Variants in LRIG1 observed in about 807,000 individuals in gnomAD.
LRIG1 encodes leucine rich repeats and immunoglobulin like domains 1.
Under a neutral mutation model 99.2 loss-of-function variants are expected in LRIG1, and 48 were observed. That is an observed-to-expected ratio of 0.48 (90% CI 0.38 to 0.62). LRIG1 has a LOEUF of 0.62. LRIG1 is among the 20% of genes least tolerant of loss of function. LRIG1 has a pLI of 0.00. For synonymous variants in LRIG1, 772 were observed against 596.1 expected, an observed-to-expected ratio of 1.29 and a Z score of -4.30; for missense variants, 1,646 against 1,434.4, an observed-to-expected ratio of 1.15 and a Z score of -2.38.
intron 9 of LRIG1, among the ~76,000 whole-genome samples, chr3:66,399,842 A>G (rs559204200): frequency 8.5e-5 from 13 of 152,352 alleles, no homozygotes; most frequent in Non-Finnish European, 1.8e-4. Context: ...AAGCTTCCCA[A>G]AAGAGGCAAG....
At chr3:66,446,560 C>T (rs1314925100) in intron 3 of LRIG1, among the ~76,000 whole-genome samples, 1 of 151,956 alleles carries the variant, frequency 6.6e-6, no homozygotes, top group African/African-American at 2.4e-5. Flanking sequence ...CACCTCCCAC[C>T]ACTCCTGGCT....
chr3:66,465,525 G>A (rs1427870339), intron 1 of LRIG1, among the ~76,000 whole-genome samples: 9 of 151,540 alleles, frequency 5.9e-5, no homozygotes, highest in South Asian at 4.2e-4. Flanking sequence ...CACCATGCCC[G>A]GCTAATTTTT....
intron 1 of LRIG1, among the ~76,000 whole-genome samples, chr3:66,485,938 C>G (rs1015339128): frequency 6.6e-6 from 1 of 152,304 alleles, no homozygotes; most frequent in South Asian, 2.1e-4. Flanking sequence ...AATTCAGAGA[C>G]GTCAAAGGGA....
chr3:66,402,642 C>T (rs1702103669), intron 9 of LRIG1, among the ~76,000 whole-genome samples: 1 of 152,222 alleles, frequency 6.6e-6, no homozygotes, highest in Admixed American at 6.5e-5. Context: ...AACACAAGCT[C>T]CTTGAGCTCT....
intron 3 of LRIG1, among the ~76,000 whole-genome samples, chr3:66,440,116 A>G (rs1231222803): frequency 6.6e-6 from 1 of 152,158 alleles, no homozygotes; most frequent in East Asian, 1.9e-4. Context: ...AATGCCTTTC[A>G]GTTGCAATTA....
intron 2 of LRIG1, 44 bp downstream of exon 2, chr3:66,462,394 G>A (rs1700374962): frequency 6.9e-7 from 1 of 1,445,516 alleles, no homozygotes; most frequent in Admixed American, 1.7e-5. Context: ...TTCCCAAAGA[G>A]CTCTCCATCC....
At chr3:66,484,698 A>T (rs1351124230) in intron 1 of LRIG1, among the ~76,000 whole-genome samples, 4 of 152,174 alleles carry the variant, frequency 2.6e-5, no homozygotes, top group Admixed American at 1.3e-4. Flanking sequence ...GGACAGTAAC[A>T]GCTTTAAACA....
chr3:66,380,328 TGGACTCG>T lies in LRIG1; in HGVS notation c.3210_3216del (p.Glu1071ArgfsTer3), dbSNP rs1351035305. 1.2e-6 allele frequency: 2 copies of T among 1,614,056 alleles called. No individual in the cohort carries two copies. Among genetic ancestry groups the T allele is most frequent in the East Asian group, 2.2e-5 (1 of 44,892 alleles). ...CCGGGGAGCTGTCCTGTCAGTGGCG[TGGACTCG>T]GGACTGGCGTCACATGCTTTGGGGA... On this transcript the variant is annotated frameshift_variant, in exon 19 of 19. Coordinates refer to ENST00000273261, the MANE Select transcript of LRIG1 (RefSeq NM_015541.3). LOFTEE classifies it high-confidence loss of function.
intron 2 of LRIG1, among the ~76,000 whole-genome samples, chr3:66,459,290 G>A (rs1369848160): frequency 6.6e-6 from 1 of 152,194 alleles, no homozygotes; most frequent in Admixed American, 6.5e-5. Flanking sequence ...AGCCTGTCTA[G>A]GCAAGGAACA....
intron 12 of LRIG1, among the ~76,000 whole-genome samples, chr3:66,389,209 AG>A (rs1207112244): frequency 2.0e-5 from 3 of 152,216 alleles, no homozygotes; most frequent in Non-Finnish European, 4.4e-5. Flanking sequence ...GGCAAAACTA[AG>A]AAAATAACTA....
intron 3 of LRIG1, among the ~76,000 whole-genome samples, chr3:66,437,282 G>C (rs116148075): frequency 0.011 from 1,702 of 152,330 alleles, 19 homozygotes; most frequent in African/African-American, 0.039. Flanking sequence ...CTGTGGTAAG[G>C]TAAGAGCAAT....
chr3:66,406,011 C>G, intron 8 of LRIG1: 1 of 989,528 alleles, frequency 1.0e-6, no homozygotes, highest in Non-Finnish European at 1.2e-6. Context: ...CCCATCCTGC[C>G]CTCTCCAACT....
intron 1 of LRIG1, among the ~76,000 whole-genome samples, chr3:66,489,926 G>A (rs1193398896): frequency 1.3e-5 from 2 of 152,136 alleles, no homozygotes; most frequent in African/African-American, 4.8e-5. Context: ...GAAACTCCAT[G>A]AAAACGTGGT....
chr3:66,447,729 G>A lies in LRIG1; in HGVS notation c.365+3830C>T, dbSNP rs538810063. Among the ~76,000 whole-genome samples the A allele has an allele frequency of 4.6e-5, 7 of 152,310 alleles. No individual in the cohort carries two copies. In the East Asian group the frequency reaches 1.4e-3, roughly 29 times the overall value. On this transcript the variant is annotated intron_variant, in intron 3 of 18. Coordinates refer to ENST00000273261, the MANE Select transcript of LRIG1 (RefSeq NM_015541.3). ...CACATACATTTTTACTCCCAGGACT[G>A]AAAAATTCAACGATTTCCACTGTCA...
chr3:66,385,214 T>G (rs1407781353), intron 13 of LRIG1, among the ~76,000 whole-genome samples: 3 of 151,998 alleles, frequency 2.0e-5, no homozygotes, highest in African/African-American at 7.3e-5. Flanking sequence ...GGTTAATGAG[T>G]AAAAACCTGT....
chr3:66,388,063 C>T (rs1200565053), intron 12 of LRIG1: 3 of 128,266 alleles, frequency 2.3e-5, no homozygotes, highest in Non-Finnish European at 3.1e-5. Flanking sequence ...GCCAAGATCA[C>T]GCCACTGCCC....
chr3:66,380,742 C>G lies in LRIG1; in HGVS notation c.2890G>C (p.Gly964Arg), dbSNP rs533186890. ...RDSAQPSAPN[G>R]PEPGGSDQEH... is the part of the protein sequence containing the mutation. ...TGGTCACTCCCACCCGGCTCCGGGC[C>G]ATTTGGCGCACTTGGCTGTGCGCTG... The change falls in exon 18 of 19, where the codon GGC becomes CGC. Residue 964 changes from glycine (G) to arginine (R), a missense_variant. Physicochemically the swap from Gly to Arg is moderately radical, Grantham distance 125. Coordinates refer to ENST00000273261, the MANE Select transcript of LRIG1 (RefSeq NM_015541.3). 18 of 1,614,216 alleles carry G rather than the reference C, an allele frequency of 1.1e-5. 1 individual carries two copies. The African/African-American group carries it at 2.1e-4, about 19-fold the overall frequency.
intron 3 of LRIG1, among the ~76,000 whole-genome samples, chr3:66,451,108 C>T (rs1434623332): frequency 6.6e-6 from 1 of 152,074 alleles, no homozygotes; most frequent in Non-Finnish European, 1.5e-5. Flanking sequence ...CATAGTTTTA[C>T]GTTGATTCCA....
At chr3:66,468,972 T>C (rs558959401) in intron 1 of LRIG1, 17 of 152,246 alleles carry the variant, frequency 1.1e-4, no homozygotes, top group African/African-American at 2.2e-4. Flanking sequence ...CCCAGAATAT[T>C]AGATGTTCTT....
Sources: gnomAD v4.1 joint callset for allele counts (sites outside exome capture counted in the v4.1 genomes callset) on GRCh38, gnomAD v4.1.1 for gene constraint, MANE v1.5 for transcripts, NCBI Gene and HGNC (gene_info 2026-07-23, HGNC 2026-07-21) for gene names.